The following OTOGL variants were observed in gnomAD, a reference collection of about 807,000 sequenced individuals.
The protein encoded by OTOGL is otogelin like, also known as otogelin-like protein.
A neutral mutation model predicts 318.5 loss-of-function variants in OTOGL; 285 were observed. That is an observed-to-expected ratio of 0.89 (90% CI 0.81 to 0.99). The LOEUF (loss-of-function observed/expected upper bound fraction) is 0.99, where lower values mean the gene tolerates loss of function less well. OTOGL is among the 50% of genes least tolerant of loss of function. The probability of loss-of-function intolerance (pLI) is 0.00; values close to 1 mark genes in which losing one functional copy is unlikely to be tolerated. For missense variants in OTOGL, 2,899 were observed against 2,845.6 expected, an observed-to-expected ratio of 1.02 and a Z score of -0.43; for synonymous variants, 987 against 936.5, an observed-to-expected ratio of 1.05 and a Z score of -0.99.
chr12:80,182,679 G>A (rs1875011270), intron 1 of OTOGL, among the ~76,000 whole-genome samples: 1 of 152,194 alleles, frequency 6.6e-6, no homozygotes, highest in Non-Finnish European at 1.5e-5. Context: ...ATGCAGTAGG[G>A]ATGGAGTGGA....
chr12:80,106,370 A>T (rs916032693), intron 1 of OTOGL, among the ~76,000 whole-genome samples: 3 of 152,130 alleles, frequency 2.0e-5, no homozygotes, highest in African/African-American at 2.4e-5. Flanking sequence ...CTAGACTGGT[A>T]ATCTGTTTTA....
intron 36 of OTOGL, 27 bp from the exon 37 acceptor site, chr12:80,329,024 A>G (rs1304991033): frequency 3.2e-6 from 5 of 1,566,112 alleles, no homozygotes; most frequent in Non-Finnish European, 4.3e-6. Context: ...ATACAGTTTT[A>G]TAAAGAGCAC....
chr12:80,165,693 C>T (rs1425075023), intron 1 of OTOGL, among the ~76,000 whole-genome samples: 1 of 152,224 alleles, frequency 6.6e-6, no homozygotes, highest in Non-Finnish European at 1.5e-5. Flanking sequence ...TTATACAAGT[C>T]ACAGATCCCA....
chr12:80,153,813 A>AGACATT (rs2137175428), intron 1 of OTOGL, among the ~76,000 whole-genome samples: 1 of 152,300 alleles, frequency 6.6e-6, no homozygotes, highest in South Asian at 2.1e-4. Context: ...ATACATATGT[A>AGACATT]GACATTTCAG....
At chr12:80,124,564 A>G (rs1308773580) in intron 1 of OTOGL, among the ~76,000 whole-genome samples, 1 of 152,110 alleles carries the variant, frequency 6.6e-6, no homozygotes, top group African/African-American at 2.4e-5. Context: ...GTTTTTTCCA[A>G]TTCTGTGAAG....
chr12:80,125,614 T>A (rs1173188029), intron 1 of OTOGL, among the ~76,000 whole-genome samples: 1 of 152,240 alleles, frequency 6.6e-6, no homozygotes, highest in African/African-American at 2.4e-5. Flanking sequence ...GAAGGAATGG[T>A]ACCAGCTCCT....
intron 33 of OTOGL, among the ~76,000 whole-genome samples, chr12:80,319,236 G>T (rs1887170700): frequency 6.6e-6 from 1 of 152,066 alleles, no homozygotes; most frequent in Admixed American, 6.6e-5. Flanking sequence ...TTACTGGTTT[G>T]CACCTGCAGG....
chr12:80,296,227 CT>C lies in OTOGL; in HGVS notation c.2929-598del, dbSNP rs1467904323. 1.1e-4 allele frequency among the ~76,000 whole-genome samples: 16 copies of C among 152,300 alleles called. No homozygotes were observed. The East Asian group carries it at 3.1e-3, about 29-fold the overall frequency. ...TCCTCCTCTTAATTAACAAAGCGACCTTAGATAATCAGTTAATTCCTCTTAA... is the reference window on the plus strand; with the variant it reads ...TCCTCCTCTTAATTAACAAAGCGACCTAGATAATCAGTTAATTCCTCTTAA... On this transcript the variant is annotated intron_variant, in intron 26 of 58. Coordinates refer to ENST00000547103, the MANE Select transcript of OTOGL (RefSeq NM_001378609.3).
intron 1 of OTOGL, among the ~76,000 whole-genome samples, chr12:80,102,605 T>G (rs7976542): frequency 0.055 from 8,429 of 152,252 alleles, 771 homozygotes; most frequent in African/African-American, 0.19. Flanking sequence ...TACTTAAACA[T>G]CCTTCCTGAT....
chr12:80,324,678 G>T (rs1271711790), intron 35 of OTOGL, among the ~76,000 whole-genome samples: 1 of 152,104 alleles, frequency 6.6e-6, no homozygotes, highest in East Asian at 1.9e-4. Flanking sequence ...GAAATGAAGG[G>T]GATTTGACCA....
At chr12:80,288,393 G>A (rs182395599) in intron 26 of OTOGL, among the ~76,000 whole-genome samples, 6 of 152,102 alleles carry the variant, frequency 3.9e-5, no homozygotes, top group Non-Finnish European at 8.8e-5. Flanking sequence ...TACTCTTCTC[G>A]AAGAGTATCT....
chr12:80,367,989 T>A (rs1890655268), intron 54 of OTOGL, among the ~76,000 whole-genome samples: 2 of 152,140 alleles, frequency 1.3e-5, no homozygotes, highest in Admixed American at 6.6e-5. Context: ...ACCTGCTTGA[T>A]GAATTTGGCT....
chr12:80,221,317 T>C (rs1878310933), intron 6 of OTOGL, among the ~76,000 whole-genome samples: 1 of 147,706 alleles, frequency 6.8e-6, no homozygotes, highest in South Asian at 2.1e-4. Flanking sequence ...AAGGCTGGAG[T>C]ACAGTGGCGC....
chr12:80,224,613 C>T (rs1049913633), intron 7 of OTOGL, among the ~76,000 whole-genome samples: 7 of 151,950 alleles, frequency 4.6e-5, no homozygotes, highest in Non-Finnish European at 1.0e-4. Flanking sequence ...TGTAGTTTTC[C>T]TTGTAGAGGT....
chr12:80,354,085 T>TGG (rs1213347265), intron 46 of OTOGL, among the ~76,000 whole-genome samples: 3 of 152,140 alleles, frequency 2.0e-5, no homozygotes, highest in Non-Finnish European at 4.4e-5. Context: ...GTGGGAGGTG[T>TGG]CTGGATCATG....
intron 1 of OTOGL, among the ~76,000 whole-genome samples, chr12:80,159,715 G>A (rs1433281590): frequency 6.6e-6 from 1 of 151,784 alleles, no homozygotes; most frequent in Non-Finnish European, 1.5e-5. Context: ...CCATCAAATT[G>A]CCAACATCAT....
intron 37 of OTOGL, among the ~76,000 whole-genome samples, chr12:80,329,335 C>G (rs1209539310): frequency 6.6e-6 from 1 of 152,166 alleles, no homozygotes; most frequent in Admixed American, 6.5e-5. Context: ...GCCTGAGACC[C>G]CCAAGTGCTG....
Position 80,349,272 on chromosome 12 carries a change from GT to G in OTOGL, c.5266-3016del, listed in dbSNP as rs1303351053. Among the ~76,000 whole-genome samples, 5 of 152,004 alleles carry G rather than the reference GT, an allele frequency of 3.3e-5. No individual in the cohort carries two copies. In the East Asian group the frequency reaches 9.6e-4, roughly 29 times the overall value. ...ATAATGATAATTTATGATGTGCCAGGTTTTTTTCTGTACATTTTCCATATAT... is the reference window on the plus strand; with the variant it reads ...ATAATGATAATTTATGATGTGCCAGGTTTTTTCTGTACATTTTCCATATAT... On this transcript the variant is annotated intron_variant, in intron 44 of 58. Coordinates refer to ENST00000547103, the MANE Select transcript of OTOGL (RefSeq NM_001378609.3).
chr12:80,278,327 T>G, intron 25 of OTOGL, 52 bp downstream of exon 25: 15 of 1,331,856 alleles, frequency 1.1e-5, no homozygotes, highest in Non-Finnish European at 1.4e-5. Flanking sequence ...TTGTGTAAAT[T>G]TCAATCATCT....
Sources: allele counts gnomAD v4.1 joint callset (sites outside exome capture counted in the v4.1 genomes callset), GRCh38; gene constraint gnomAD v4.1.1; transcripts MANE v1.5; gene names NCBI Gene and HGNC (gene_info 2026-07-23, HGNC 2026-07-21).